Variants in EPHA6 observed in about 807,000 individuals in gnomAD.
EPHA6 encodes EPH receptor A6.
Under a neutral mutation model 112.0 loss-of-function variants are expected in EPHA6, and 50 were observed. The ratio of observed to expected loss-of-function variants is 0.45; its 90% CI spans 0.36 to 0.56. The LOEUF is 0.56. Ranked by LOEUF, EPHA6 falls within the 20% of genes least tolerant of loss-of-function variation. The pLI, the probability that EPHA6 is intolerant of heterozygous loss-of-function variation, is 0.00. For missense variants in EPHA6, 1,280 were observed against 1,417.4 expected, an observed-to-expected ratio of 0.90 and a Z score of 1.56; for synonymous variants, 529 against 490.7, an observed-to-expected ratio of 1.08 and a Z score of -1.03.
chr3:97,005,601 C>G (rs1384184648), intron 3 of EPHA6, among the ~76,000 whole-genome samples: 5 of 152,012 alleles, frequency 3.3e-5, no homozygotes, highest in East Asian at 1.9e-4. Flanking sequence ...ATTTGAATAC[C>G]CTTTGTTTCT....
At chr3:97,359,143 T>A (rs1319391402) in intron 5 of EPHA6, among the ~76,000 whole-genome samples, 1 of 151,998 alleles carries the variant, frequency 6.6e-6, no homozygotes, top group Non-Finnish European at 1.5e-5. Flanking sequence ...TTATTCCCTC[T>A]GCTCTTTTCT....
At chr3:97,717,749 G>C (rs2034315305) in intron 14 of EPHA6, among the ~76,000 whole-genome samples, 2 of 152,132 alleles carry the variant, frequency 1.3e-5, no homozygotes, top group Admixed American at 6.5e-5. Flanking sequence ...AGGGAGCAAT[G>C]CCATTAATCA....
chr3:97,079,602 A>G (rs1347942839), intron 3 of EPHA6, among the ~76,000 whole-genome samples: 2 of 132,344 alleles, frequency 1.5e-5, no homozygotes, highest in African/African-American at 3.9e-5. Context: ...ATTTAAATTA[A>G]AAGTAAAAAA....
intron 15 of EPHA6, among the ~76,000 whole-genome samples, chr3:97,734,621 A>G (rs537014061): frequency 2.1e-3 from 325 of 152,192 alleles, no homozygotes; most frequent in Non-Finnish European, 4.2e-3. Context: ...CCTTTTTTAC[A>G]AACAGCCTCT....
At chr3:97,647,878 A>G (rs982500167) in intron 14 of EPHA6, among the ~76,000 whole-genome samples, 5 of 152,150 alleles carry the variant, frequency 3.3e-5, no homozygotes, top group Non-Finnish European at 4.4e-5. Context: ...TTGGCTCTCA[A>G]TTATGGAAAT....
intron 3 of EPHA6, among the ~76,000 whole-genome samples, chr3:97,030,073 A>T (rs1223299642): frequency 2.0e-5 from 3 of 152,128 alleles, no homozygotes; most frequent in Non-Finnish European, 2.9e-5. Context: ...AGGTTATTCT[A>T]GTAGTTTTGA....
intron 3 of EPHA6, among the ~76,000 whole-genome samples, chr3:97,144,438 A>G (rs1221835222): frequency 2.0e-5 from 3 of 148,676 alleles, no homozygotes; most frequent in African/African-American, 5.0e-5. Flanking sequence ...CTCAGAGGCA[A>G]TTAGTTTCTC....
chr3:97,305,318 A>C (rs752808152), intron 5 of EPHA6, among the ~76,000 whole-genome samples: 13 of 151,910 alleles, frequency 8.6e-5, no homozygotes, highest in Middle Eastern at 6.8e-3. Flanking sequence ...GCAATTCCTC[A>C]AAGACCTAGA....
intron 7 of EPHA6, among the ~76,000 whole-genome samples, chr3:97,464,038 C>T (rs1161055780): frequency 1.3e-5 from 2 of 152,124 alleles, no homozygotes; most frequent in Non-Finnish European, 2.9e-5. Flanking sequence ...TCCACACAGC[C>T]ACCAATCTCT....
intron 5 of EPHA6, among the ~76,000 whole-genome samples, chr3:97,291,610 GTTC>G (rs2108686451): frequency 6.6e-6 from 1 of 152,034 alleles, no homozygotes; most frequent in East Asian, 1.9e-4. Context: ...TCTGAAATAC[GTTC>G]TTCTGCTTAA....
At chr3:97,607,046 T>C (rs1416867320) in intron 12 of EPHA6, among the ~76,000 whole-genome samples, 1 of 151,042 alleles carries the variant, frequency 6.6e-6, no homozygotes, top group Admixed American at 6.6e-5. Context: ...TGAGATTTGT[T>C]TTGATTCTTC....
intron 5 of EPHA6, among the ~76,000 whole-genome samples, chr3:97,301,654 C>T (rs1371341015): frequency 1.3e-5 from 2 of 152,044 alleles, no homozygotes; most frequent in African/African-American, 4.8e-5. Context: ...TTATACTGTG[C>T]CATAATCTGG....
chr3:97,412,800 T>TA (rs1331553225), intron 6 of EPHA6, among the ~76,000 whole-genome samples: 4 of 152,054 alleles, frequency 2.6e-5, no homozygotes, highest in Non-Finnish European at 5.9e-5. Context: ...TATTTTCTTC[T>TA]AAAAAATGTC....
At chr3:97,630,157 T>G (rs180799172) in intron 13 of EPHA6, among the ~76,000 whole-genome samples, 1 of 152,080 alleles carries the variant, frequency 6.6e-6, no homozygotes, top group Non-Finnish European at 1.5e-5. Context: ...ACATTTTTAG[T>G]TTTCTTATTA....
At chr3:97,159,059 T>A (rs1346038375) in intron 3 of EPHA6, among the ~76,000 whole-genome samples, 2 of 152,174 alleles carry the variant, frequency 1.3e-5, no homozygotes, top group African/African-American at 4.8e-5. Flanking sequence ...CATGGTAGGA[T>A]GATACACACC....
At chr3:97,072,809 G>A (rs1271909210) in intron 3 of EPHA6, among the ~76,000 whole-genome samples, 1 of 152,088 alleles carries the variant, frequency 6.6e-6, no homozygotes, top group Non-Finnish European at 1.5e-5. Context: ...ATTACCATAG[G>A]TTAACTTTTT....
intron 5 of EPHA6, among the ~76,000 whole-genome samples, chr3:97,291,122 C>A (rs932930872): frequency 1.3e-5 from 2 of 152,030 alleles, no homozygotes; most frequent in African/African-American, 4.8e-5. Context: ...TTCCTCATTT[C>A]ATTATTGACC....
intron 11 of EPHA6, among the ~76,000 whole-genome samples, chr3:97,592,195 G>C (rs757740752): frequency 1.4e-4 from 21 of 152,294 alleles, no homozygotes; most frequent in Non-Finnish European, 2.9e-4. Flanking sequence ...TAGACCTAAA[G>C]TAAAGTACTG....
intron 5 of EPHA6, among the ~76,000 whole-genome samples, chr3:97,324,409 CT>C (rs1299331243): frequency 1.0e-5 from 1 of 98,180 alleles, no homozygotes; most frequent in African/African-American, 4.0e-5. Context: ...TCCTTCTTTT[CT>C]TTCTTTCTTT....
Sources: allele counts gnomAD v4.1 joint callset (sites outside exome capture counted in the v4.1 genomes callset), GRCh38; gene constraint gnomAD v4.1.1; transcripts MANE v1.5; gene names NCBI Gene and HGNC (gene_info 2026-07-23, HGNC 2026-07-21).